Variants in PIK3C2G observed in about 807,000 individuals in gnomAD.
The protein encoded by PIK3C2G is phosphatidylinositol 3-kinase C2 domain-containing subunit gamma.
PIK3C2G carries 168 observed loss-of-function variants against 181.1 expected under a neutral mutation model. The ratio of observed to expected loss-of-function variants is 0.93; its 90% CI spans 0.82 to 1.05. The LOEUF is 1.05. Ranked by LOEUF, PIK3C2G falls within the 50% of genes least tolerant of loss-of-function variation. The pLI, the probability that PIK3C2G is intolerant of heterozygous loss-of-function variation, is 0.00. For missense variants in PIK3C2G, 1,869 were observed against 1,732.8 expected, an observed-to-expected ratio of 1.08 and a Z score of -1.40; for synonymous variants, 573 against 592.2, an observed-to-expected ratio of 0.97 and a Z score of 0.47.
chr12:18,504,516 G>C (rs1451444138), intron 23 of PIK3C2G, among the ~76,000 whole-genome samples: 2 of 152,132 alleles, frequency 1.3e-5, no homozygotes, highest in African/African-American at 4.8e-5. Context: ...ACCCTAGCAT[G>C]TAGCCTGGTG....
intron 18 of PIK3C2G, among the ~76,000 whole-genome samples, chr12:18,467,486 GTTTT>G (rs36102724): frequency 1.4e-5 from 2 of 146,146 alleles, no homozygotes; most frequent in Non-Finnish European, 3.0e-5. Flanking sequence ...TTATTTACAG[GTTTT>G]TTTTTTTTCA....
chr12:18,683,370 G>T, the PIK3C2G span: 1 of 1,574,934 alleles, frequency 6.3e-7, no homozygotes, highest in Non-Finnish European at 8.7e-7. Flanking sequence ...CAATTAATCA[G>T]TGGTGTCTCC....
intron 31 of PIK3C2G, among the ~76,000 whole-genome samples, chr12:18,624,360 C>T (rs973488252): frequency 8.6e-5 from 13 of 151,718 alleles, no homozygotes; most frequent in African/African-American, 3.1e-4. Context: ...TAGAATCATC[C>T]TTGCATCTCA....
the PIK3C2G span, among the ~76,000 whole-genome samples, chr12:18,706,879 G>A: frequency 6.6e-6 from 1 of 152,226 alleles, no homozygotes; most frequent in Non-Finnish European, 1.5e-5. Flanking sequence ...GTCACCAGAA[G>A]TTTGAAATCA....
At chr12:18,371,440 TA>T (rs1376462824) in intron 13 of PIK3C2G, 129 bp downstream of exon 13, 7 of 749,918 alleles carry the variant, frequency 9.3e-6, no homozygotes, top group Non-Finnish European at 1.4e-5. Flanking sequence ...TAGTTCAATA[TA>T]AATCGTGACT....
At chr12:18,580,019 G>C (rs1280906004) in intron 29 of PIK3C2G, among the ~76,000 whole-genome samples, 1 of 151,960 alleles carries the variant, frequency 6.6e-6, no homozygotes, top group African/African-American at 2.4e-5. Flanking sequence ...TGTAGTCCCA[G>C]CTACTTGGGA....
chr12:18,421,064 C>A, intron 17 of PIK3C2G, 30 bp downstream of exon 17: 1 of 1,205,374 alleles, frequency 8.3e-7, no homozygotes, highest in Non-Finnish European at 1.2e-6. Flanking sequence ...TAAGGAAACC[C>A]AGGGTTTTAA....
chr12:18,575,891 T>A (rs1252389681), intron 29 of PIK3C2G, among the ~76,000 whole-genome samples: 1 of 152,216 alleles, frequency 6.6e-6, no homozygotes, highest in East Asian at 1.9e-4. Context: ...AGTAAATGAA[T>A]AACAAAATCA....
intron 26 of PIK3C2G, among the ~76,000 whole-genome samples, chr12:18,551,940 C>T (rs1361202764): frequency 6.6e-6 from 1 of 152,116 alleles, no homozygotes; most frequent in Admixed American, 6.6e-5. Context: ...TGGACAAGTT[C>T]CTTCATGTGA....
chr12:18,601,659 G>A (rs1290369277), intron 30 of PIK3C2G, among the ~76,000 whole-genome samples: 3 of 152,104 alleles, frequency 2.0e-5, no homozygotes, highest in South Asian at 4.1e-4. Flanking sequence ...GATACTTCTA[G>A]TCTATGGGCA....
chr12:18,591,273 C>A (rs1947064337), intron 29 of PIK3C2G, among the ~76,000 whole-genome samples: 1 of 151,870 alleles, frequency 6.6e-6, no homozygotes, highest in Admixed American at 6.6e-5. Flanking sequence ...TACAATGATG[C>A]ATAAACTGCT....
intron 16 of PIK3C2G, among the ~76,000 whole-genome samples, chr12:18,400,096 T>C (rs1944160269): frequency 6.6e-6 from 1 of 152,186 alleles, no homozygotes; most frequent in Non-Finnish European, 1.5e-5. Flanking sequence ...ATTCTAGTTC[T>C]TACAGAAATA....
intron 18 of PIK3C2G, among the ~76,000 whole-genome samples, chr12:18,442,540 C>T (rs1190709773): frequency 6.6e-6 from 1 of 151,972 alleles, no homozygotes; most frequent in Non-Finnish European, 1.5e-5. Context: ...GGTTTTGAAA[C>T]AGTATTTTGA....
At chr12:18,290,513 C>G (rs1420609891) in intron 3 of PIK3C2G, among the ~76,000 whole-genome samples, 2 of 152,144 alleles carry the variant, frequency 1.3e-5, no homozygotes, top group Admixed American at 6.6e-5. Context: ...AGGAAGAACT[C>G]TGACATCAAA....
intron 16 of PIK3C2G, among the ~76,000 whole-genome samples, chr12:18,410,825 C>T (rs1243024362): frequency 1.3e-5 from 2 of 152,132 alleles, no homozygotes; most frequent in African/African-American, 4.8e-5. Context: ...CTACATGGTG[C>T]TTTCAGTACA....
intron 16 of PIK3C2G, among the ~76,000 whole-genome samples, chr12:18,406,854 G>A (rs952084408): frequency 6.6e-6 from 1 of 152,150 alleles, no homozygotes; most frequent in African/African-American, 2.4e-5. Flanking sequence ...TCGAGGAAGA[G>A]TGAAGGTGAG....
At chr12:18,650,052 A>C (rs1448321967), downstream of PIK3C2G, among the ~76,000 whole-genome samples, 1 of 152,008 alleles carries the variant, frequency 6.6e-6, no homozygotes, top group Non-Finnish European at 1.5e-5. Context: ...TCCCAGTTTT[A>C]TAACTCCAGC....
chr12:18,292,079 G>A (rs575606624), intron 4 of PIK3C2G, among the ~76,000 whole-genome samples: 60 of 150,068 alleles, frequency 4.0e-4, no homozygotes, highest in Middle Eastern at 6.9e-3. Context: ...GTGTGATGGC[G>A]CATGCCTGTA....
the PIK3C2G span, chr12:18,694,854 C>T: frequency 7.6e-7 from 1 of 1,314,442 alleles, no homozygotes; most frequent in Non-Finnish European, 1.1e-6. Flanking sequence ...TACTAATGTA[C>T]ACTATCTAGT....
Sources: gnomAD v4.1 joint callset for allele counts (sites outside exome capture counted in the v4.1 genomes callset) on GRCh38, gnomAD v4.1.1 for gene constraint, MANE v1.5 for transcripts, NCBI Gene and HGNC (gene_info 2026-07-23, HGNC 2026-07-21) for gene names.